Variants in GRAMD1B observed in about 807,000 individuals in gnomAD.
GRAMD1B encodes GRAM domain containing 1B, also known as protein Aster-B.
GRAMD1B carries 37 observed loss-of-function variants against 99.7 expected under a neutral mutation model. The ratio of observed to expected loss-of-function variants is 0.37; its 90% CI spans 0.29 to 0.49. The LOEUF is 0.49. GRAMD1B is among the 20% of genes least tolerant of loss of function. GRAMD1B has a pLI of 0.98. For missense variants in GRAMD1B, 888 were observed against 1,009.2 expected (o/e 0.88, Z 1.63); for synonymous variants, 427 against 387.6 (o/e 1.10, Z -1.19).
intron 4 of GRAMD1B, among the ~76,000 whole-genome samples, chr11:123,589,475 T>C (rs890127797): frequency 3.3e-5 from 5 of 151,758 alleles, no homozygotes; most frequent in African/African-American, 1.2e-4. Flanking sequence ...TGAGAGTCTC[T>C]CTCTGCCGCC....
chr11:123,582,688 G>A (rs1353293399), intron 3 of GRAMD1B, among the ~76,000 whole-genome samples: 1 of 152,212 alleles, frequency 6.6e-6, no homozygotes, highest in African/African-American at 2.4e-5. Context: ...GGTGAAGGTG[G>A]ACCGTCTTTA....
At position 123,613,337 on chromosome 11, in the gene GRAMD1B, G is replaced by A. The variant is rs1247407037; in HGVS notation, c.2024-118G>A. 5.6e-6 allele frequency: 4 copies of A among 718,508 alleles called. No individual in the cohort carries two copies. The African/African-American group carries it at 7.1e-5, about 13-fold the overall frequency. 44.5% of individuals were successfully genotyped at this position (718,508 alleles called of 1,614,324 possible). A position where few individuals can be genotyped will look rare whatever the true frequency, so the allele number is the denominator to read the frequency against. ...CCTCCTGAGGCTCATGGGCATCCCT[G>A]AGGATCCTCAACCCACCCAACCAAC... On this transcript the variant is annotated intron_variant, in intron 15 of 19. Coordinates refer to ENST00000635736, the MANE Select transcript of GRAMD1B (RefSeq NM_001387025.1).
intron 1 of GRAMD1B, among the ~76,000 whole-genome samples, chr11:123,368,275 A>AAAAAAAAAAAAG (rs60644137): frequency 2.0e-4 from 26 of 127,124 alleles, no homozygotes; most frequent in Middle Eastern, 4.1e-3. Flanking sequence ...AAAAAAAAAA[A>AAAAAAAAAAAAG]AAAGAAAGAA....
chr11:123,363,100 C>T (rs1284075269), intron 1 of GRAMD1B, among the ~76,000 whole-genome samples: 1 of 152,118 alleles, frequency 6.6e-6, no homozygotes, highest in Non-Finnish European at 1.5e-5. Context: ...CAGCACCTTG[C>T]TTTCAGGTTT....
Position 123,518,082 on chromosome 11 carries a change from T to A in GRAMD1B, c.452+37189T>A, listed in dbSNP as rs538772236. 6.6e-5 allele frequency among the ~76,000 whole-genome samples: 10 copies of A among 152,262 alleles called. No homozygotes were observed. The East Asian group carries it at 1.4e-3, about 21-fold the overall frequency. ...TCTTTTGTTACGTGTGTAATTAGGA[T>A]GATGAGTGACTTCAGGCAACGGCCC... is the stretch of plus-strand genomic sequence containing the variant. On this transcript the variant is annotated intron_variant, in intron 2 of 19. Transcript: ENST00000635736.
chr11:123,524,439 C>T (rs913168814), intron 2 of GRAMD1B, among the ~76,000 whole-genome samples: 41 of 151,884 alleles, frequency 2.7e-4, no homozygotes, highest in Non-Finnish European at 5.9e-5. Context: ...CTCTCTGGTT[C>T]AAGCAATTGT....
chr11:123,579,478 C>T (rs1949091866), intron 3 of GRAMD1B, among the ~76,000 whole-genome samples: 1 of 152,178 alleles, frequency 6.6e-6, no homozygotes, highest in Admixed American at 6.5e-5. Context: ...GAAGGAGGAA[C>T]TTTACCTGGA....
In GRAMD1B at chr11:123,614,304, CGTGTT is replaced by C. The variant is rs536099605; in HGVS notation, c.2228-440_2228-436del. On this transcript the variant is annotated intron_variant, in intron 16 of 19. Coordinates refer to ENST00000635736, the MANE Select transcript of GRAMD1B (RefSeq NM_001387025.1). The stretch of plus-strand genomic sequence containing the variant: ...CTTTACCCCTAGCACTTCCATGTTA[CGTGTT>C]TTGCATTTAAGATTTCTGACTGACA... Among the ~76,000 whole-genome samples, 1,338 of 152,306 alleles carry C rather than the reference CGTGTT, an allele frequency of 8.8e-3. 8 individuals are homozygous for C. The highest frequency in any genetic ancestry group is 0.029 in the South Asian group (141 of 4,822).
chr11:123,610,115 G>C lies in GRAMD1B; in HGVS notation c.1777-81G>C, dbSNP rs1475143337. The C allele has an allele frequency of 5.8e-6, 8 of 1,368,186 alleles. No homozygotes were observed. In the Middle Eastern group the frequency reaches 5.6e-4, roughly 97 times the overall value. 84.8% of individuals were successfully genotyped at this position (1,368,186 alleles called of 1,614,324 possible). On this transcript the variant is annotated intron_variant, in intron 13 of 19. Coordinates refer to ENST00000635736, the MANE Select transcript of GRAMD1B (RefSeq NM_001387025.1). The surrounding 1 kb of genome is among the most constrained non-coding windows in gnomAD (Gnocchi z 4.1). ...GTTCAGAAGCCGTGGGGTGGGGTGG[G>C]CTTGGGGAGGCTGGAGAAGGTGCTT... is the stretch of plus-strand genomic sequence containing the variant.
At chr11:123,531,448 G>A (rs1178442740) in intron 2 of GRAMD1B, among the ~76,000 whole-genome samples, 1 of 152,170 alleles carries the variant, frequency 6.6e-6, no homozygotes, top group South Asian at 2.1e-4. Flanking sequence ...ACTCTAAGAA[G>A]AAAGAAAGAA....
At chr11:123,561,533 C>G (rs2136009837) in intron 2 of GRAMD1B, among the ~76,000 whole-genome samples, 1 of 152,342 alleles carries the variant, frequency 6.6e-6, no homozygotes, top group South Asian at 2.1e-4. Flanking sequence ...GCCTTACTCC[C>G]CCACACCTCC....
At chr11:123,543,297 C>A (rs1944731905) in intron 2 of GRAMD1B, among the ~76,000 whole-genome samples, 1 of 152,214 alleles carries the variant, frequency 6.6e-6, no homozygotes, top group African/African-American at 2.4e-5. Context: ...CCCTATTTAA[C>A]TGGATCAGTG....
chr11:123,460,686 G>C (rs1283809802), intron 1 of GRAMD1B, among the ~76,000 whole-genome samples: 1 of 152,222 alleles, frequency 6.6e-6, no homozygotes, highest in Admixed American at 6.5e-5. Flanking sequence ...TGGTGGTTGG[G>C]TCAGCAGGAT....
intron 1 of GRAMD1B, among the ~76,000 whole-genome samples, chr11:123,404,482 A>C (rs947765074): frequency 3.3e-5 from 5 of 152,240 alleles, no homozygotes; most frequent in African/African-American, 1.2e-4. Context: ...AGACCATTGA[A>C]GGTAACTGAT....
rs59323923 is a variant in GRAMD1B, at chr11:123,625,936, A to AAGAGAGAGAGAGAGAGAGAGAGAGAG, written c.*3361_*3386dup. Reference sequence around the variant, plus strand: ...TAGGAGGGCTGGGGAGGCCCAGTGGAAGAGAGAGAGAGAGAGAGAGAGAGA... The same window carrying AAGAGAGAGAGAGAGAGAGAGAGAGAG: ...TAGGAGGGCTGGGGAGGCCCAGTGGAAGAGAGAGAGAGAGAGAGAGAGAGAGAGAGAGAGAGAGAGAGAGAGAGAGA... On this transcript the variant is annotated 3_prime_UTR_variant, in exon 20 of 20. Coordinates refer to ENST00000635736, the MANE Select transcript of GRAMD1B (RefSeq NM_001387025.1). 1.9e-5 allele frequency: 2 copies of AAGAGAGAGAGAGAGAGAGAGAGAGAG among 104,274 alleles called. No homozygotes were observed. The highest frequency in any genetic ancestry group is 7.2e-5 in the African/African-American group (2 of 27,830). 6.5% of individuals were successfully genotyped at this position (104,274 alleles called of 1,614,324 possible). A position where few individuals can be genotyped will look rare whatever the true frequency, so the allele number is the denominator to read the frequency against.
intron 1 of GRAMD1B, among the ~76,000 whole-genome samples, chr11:123,409,588 TA>T (rs1362579074): frequency 6.6e-6 from 1 of 152,186 alleles, no homozygotes; most frequent in East Asian, 1.9e-4. Flanking sequence ...CTTTGGTTTT[TA>T]AAATGTGCCC....
At chr11:123,466,689 G>A (rs970654409) in intron 1 of GRAMD1B, among the ~76,000 whole-genome samples, 4 of 152,192 alleles carry the variant, frequency 2.6e-5, no homozygotes, top group African/African-American at 4.8e-5. Flanking sequence ...GGGATGGTGC[G>A]TGTGTGGAGA....
rs79142990 is a variant in GRAMD1B at position 123,591,151 on chromosome 11, T to C, written c.685-2931T>C. On this transcript the variant is annotated intron_variant, in intron 4 of 19. Coordinates refer to ENST00000635736, the MANE Select transcript of GRAMD1B (RefSeq NM_001387025.1). The surrounding 1 kb of genome is among the most constrained non-coding windows in gnomAD (Gnocchi z 4.7). ...GCAGAGCCCGCCATGGGAGACTGGC[T>C]GGCCAGCTTGTCCTGAGAACCACGC... The C allele has an allele frequency of 8.1e-3, 2,733 of 338,046 alleles. 33 individuals are homozygous for C. Among genetic ancestry groups the C allele is most frequent in the African/African-American group, 0.033 (1,550 of 47,516 alleles). The allele number at this position is 338,046 out of a possible 1,614,324, so 20.9% of individuals were successfully genotyped here.
At chr11:123,486,710 C>A (rs1937838369) in intron 2 of GRAMD1B, among the ~76,000 whole-genome samples, 1 of 152,114 alleles carries the variant, frequency 6.6e-6, no homozygotes, top group South Asian at 2.1e-4. Flanking sequence ...GATATACTTA[C>A]AAATAAACAA....
Sources: allele counts gnomAD v4.1 joint callset (sites outside exome capture counted in the v4.1 genomes callset), GRCh38; gene constraint gnomAD v4.1.1; non-coding constraint Gnocchi (gnomAD v3.1); transcripts MANE v1.5; gene names NCBI Gene and HGNC (gene_info 2026-07-23, HGNC 2026-07-21).